The following NELL1 variants were observed in gnomAD, a reference collection of about 807,000 sequenced individuals.
The protein encoded by NELL1 is protein kinase C-binding protein NELL1.
In NELL1, 76 loss-of-function variants were observed where a neutral mutation model predicts 107.4. The observed-to-expected ratio is 0.71, with a 90% CI of 0.59 to 0.86. The LOEUF (loss-of-function observed/expected upper bound fraction) is 0.86. Ranked by LOEUF, NELL1 falls within the 40% of genes least tolerant of loss-of-function variation. The probability of loss-of-function intolerance (pLI) is 0.00; values close to 1 mark genes in which losing one functional copy is unlikely to be tolerated. For missense variants in NELL1, 1,024 were observed against 1,005.5 expected, an observed-to-expected ratio of 1.02 and a Z score of -0.25; for synonymous variants, 353 against 341.2, an observed-to-expected ratio of 1.03 and a Z score of -0.38.
intron 9 of NELL1, among the ~76,000 whole-genome samples, chr11:20,931,268 G>A (rs978341329): frequency 1.3e-5 from 2 of 152,136 alleles, no homozygotes; most frequent in East Asian, 3.9e-4. Flanking sequence ...AGGACATGGA[G>A]CCAAGTTAAA....
At chr11:21,404,897 T>C (rs1477396067) in intron 15 of NELL1, among the ~76,000 whole-genome samples, 1 of 152,034 alleles carries the variant, frequency 6.6e-6, no homozygotes, top group Non-Finnish European at 1.5e-5. Flanking sequence ...TAATTTCTGC[T>C]TCTCAGAGAA....
At chr11:21,376,859 G>T (rs1350172964) in intron 15 of NELL1, among the ~76,000 whole-genome samples, 1 of 152,008 alleles carries the variant, frequency 6.6e-6, no homozygotes, top group Admixed American at 6.6e-5. Context: ...AACGTTATTG[G>T]TGTATAGAAA....
intron 2 of NELL1, among the ~76,000 whole-genome samples, chr11:20,705,670 C>A (rs1673493777): frequency 7.0e-6 from 1 of 143,670 alleles, no homozygotes; most frequent in Non-Finnish European, 1.5e-5. Context: ...CAAATGGGAT[C>A]TAATTAAACT....
intron 3 of NELL1, among the ~76,000 whole-genome samples, chr11:20,828,684 A>C (rs17298565): frequency 0.032 from 4,912 of 152,292 alleles, 107 homozygotes; most frequent in Middle Eastern, 0.058. Flanking sequence ...CACGTAGGAC[A>C]GGAGAACTCA....
chr11:20,777,723 A>G (rs1856776628), intron 2 of NELL1, among the ~76,000 whole-genome samples: 1 of 152,208 alleles, frequency 6.6e-6, no homozygotes, highest in Non-Finnish European at 1.5e-5. Flanking sequence ...TGGCCTGTCT[A>G]TATCAGGAGT....
intron 15 of NELL1, among the ~76,000 whole-genome samples, chr11:21,375,378 A>G (rs1191986032): frequency 6.6e-6 from 1 of 152,160 alleles, no homozygotes; most frequent in African/African-American, 2.4e-5. Context: ...TGCAAAGGAC[A>G]TGATTTCATT....
At chr11:21,569,569 G>A (rs1591044759) in intron 17 of NELL1, among the ~76,000 whole-genome samples, 3 of 151,828 alleles carry the variant, frequency 2.0e-5, no homozygotes, top group Non-Finnish European at 2.9e-5. Flanking sequence ...TGGTCAAGAA[G>A]TTAGAGGTGT....
At chr11:21,292,650 G>T (rs1849296637) in intron 14 of NELL1, among the ~76,000 whole-genome samples, 1 of 152,144 alleles carries the variant, frequency 6.6e-6, no homozygotes, top group Non-Finnish European at 1.5e-5. Flanking sequence ...GAACAAAGCT[G>T]GAGGCATCAT....
At chr11:21,502,094 C>T (rs1230350537) in intron 15 of NELL1, among the ~76,000 whole-genome samples, 2 of 152,142 alleles carry the variant, frequency 1.3e-5, no homozygotes, top group Admixed American at 6.5e-5. Flanking sequence ...ATGGTTGACT[C>T]ATTTCCTACA....
intron 14 of NELL1, among the ~76,000 whole-genome samples, chr11:21,248,012 C>T (rs1444342273): frequency 6.6e-6 from 1 of 152,104 alleles, no homozygotes; most frequent in Non-Finnish European, 1.5e-5. Flanking sequence ...TTCCCATTGG[C>T]AGAAATTTTA....
At chr11:21,269,456 A>G (rs1182894813) in intron 14 of NELL1, among the ~76,000 whole-genome samples, 2 of 151,998 alleles carry the variant, frequency 1.3e-5, no homozygotes, top group African/African-American at 4.8e-5. Flanking sequence ...ATTCAGGAGA[A>G]AAAAAAATTC....
At chr11:21,476,867 T>C (rs1441768525) in intron 15 of NELL1, among the ~76,000 whole-genome samples, 1 of 152,106 alleles carries the variant, frequency 6.6e-6, no homozygotes, top group African/African-American at 2.4e-5. Flanking sequence ...CAGGCAACAC[T>C]AGGCAGAACA....
chr11:21,520,283 T>C (rs1855685159), intron 15 of NELL1, among the ~76,000 whole-genome samples: 1 of 152,108 alleles, frequency 6.6e-6, no homozygotes, highest in African/African-American at 2.4e-5. Context: ...GTTTAAGATA[T>C]CTCAAGTAGT....
chr11:21,190,586 G>T (rs7107350), intron 13 of NELL1, among the ~76,000 whole-genome samples: 22,862 of 151,658 alleles, frequency 0.15, 2,342 homozygotes, highest in East Asian at 0.48. Context: ...CTAGCATGTT[G>T]CAGGAGAGTA....
intron 14 of NELL1, among the ~76,000 whole-genome samples, chr11:21,250,669 A>G (rs1264356704): frequency 6.6e-6 from 1 of 152,230 alleles, no homozygotes; most frequent in South Asian, 2.1e-4. Context: ...AGATCATTCC[A>G]TAAATTGTAT....
At chr11:20,942,240 C>T (rs1402287225) in intron 10 of NELL1, among the ~76,000 whole-genome samples, 3 of 152,174 alleles carry the variant, frequency 2.0e-5, no homozygotes, top group Non-Finnish European at 2.9e-5. Context: ...TAAAGGTTAG[C>T]TTCCTTGAAC....
intron 12 of NELL1, among the ~76,000 whole-genome samples, chr11:20,979,490 T>C (rs1449761603): frequency 6.6e-6 from 1 of 152,162 alleles, no homozygotes; most frequent in African/African-American, 2.4e-5. Flanking sequence ...AATGAAATAA[T>C]CTTTGCTCTG....
intron 5 of NELL1, among the ~76,000 whole-genome samples, chr11:20,903,825 C>T (rs11025807): frequency 1.3e-5 from 2 of 152,100 alleles, no homozygotes; most frequent in African/African-American, 4.8e-5. Flanking sequence ...TTTGTTGGAA[C>T]TTAGGAAAAT....
At chr11:20,831,851 T>A (rs745460510) in intron 3 of NELL1, among the ~76,000 whole-genome samples, 13 of 152,212 alleles carry the variant, frequency 8.5e-5, no homozygotes, top group Non-Finnish European at 1.5e-4. Context: ...GTAAATTGGT[T>A]TTTGTCAAAT....
Sources: gnomAD v4.1 joint callset for allele counts (sites outside exome capture counted in the v4.1 genomes callset) on GRCh38, gnomAD v4.1.1 for gene constraint, MANE v1.5 for transcripts, NCBI Gene and HGNC (gene_info 2026-07-23, HGNC 2026-07-21) for gene names.